ACYP2: variants seen among roughly 807,000 people sequenced by gnomAD.
The protein encoded by ACYP2 is acylphosphatase 2.
Under a neutral mutation model 11.2 loss-of-function variants are expected in ACYP2, and 12 were observed. The observed-to-expected ratio is 1.08, with a 90% CI of 0.69 to 1.74. The LOEUF is 1.74. Ranked by LOEUF, ACYP2 falls within the 40% of genes most tolerant of loss-of-function variation. The pLI, the probability that ACYP2 is intolerant of heterozygous loss-of-function variation, is 0.00. For missense variants in ACYP2, 134 were observed against 101.9 expected, an observed-to-expected ratio of 1.31 and a Z score of -1.35; for synonymous variants, 43 against 32.2, an observed-to-expected ratio of 1.33 and a Z score of -1.13.
At chr2:53,989,150 G>A (rs1672163674) in intron 2 of ACYP2, among the ~76,000 whole-genome samples, 2 of 152,130 alleles carry the variant, frequency 1.3e-5, no homozygotes, top group African/African-American at 4.8e-5. Flanking sequence ...ACTCTAACAT[G>A]CAGTGGAAAG....
At chr2:54,035,045 G>T (rs1280949549) in intron 2 of ACYP2, among the ~76,000 whole-genome samples, 1 of 105,516 alleles carries the variant, frequency 9.5e-6, no homozygotes, top group Non-Finnish European at 2.2e-5. Flanking sequence ...CTAGACTCTG[G>T]TTAAGAGGTT....
chr2:54,283,067 C>T (rs1688915102), intron 6 of ACYP2, among the ~76,000 whole-genome samples: 1 of 152,144 alleles, frequency 6.6e-6, no homozygotes, highest in South Asian at 2.1e-4. Flanking sequence ...ATTTTTTATA[C>T]TTTGCACAGT....
chr2:54,115,291 C>T (rs904565075), intron 4 of ACYP2: 8 of 454,898 alleles, frequency 1.8e-5, no homozygotes, highest in East Asian at 1.6e-4. Context: ...CACAAATATA[C>T]CCAACTTTTA....
intron 4 of ACYP2, chr2:54,115,734 C>T (rs1004075976): frequency 1.2e-6 from 2 of 1,612,964 alleles, no homozygotes; most frequent in Non-Finnish European, 1.7e-6. Context: ...CCGTGGACTA[C>T]GAGGTGTTCG....
intron 6 of ACYP2, among the ~76,000 whole-genome samples, chr2:54,242,620 AC>A (rs1227151176): frequency 2.6e-5 from 4 of 152,184 alleles, no homozygotes; most frequent in African/African-American, 9.7e-5. Context: ...TTTTTACTAT[AC>A]CTTTTTTATG....
chr2:54,096,132 C>T (rs1235295051), intron 4 of ACYP2, among the ~76,000 whole-genome samples: 1 of 139,868 alleles, frequency 7.1e-6, no homozygotes, highest in African/African-American at 2.7e-5. Flanking sequence ...GGCTGCTGGG[C>T]GGAGGGGCTC....
At chr2:54,223,335 A>G (rs1433028690) in intron 6 of ACYP2, among the ~76,000 whole-genome samples, 2 of 152,372 alleles carry the variant, frequency 1.3e-5, no homozygotes, top group South Asian at 2.1e-4. Flanking sequence ...GATACTTTAC[A>G]TAACTAAGAA....
chr2:54,239,685 G>A lies in ACYP2; in HGVS notation c.405-65003G>A, dbSNP rs560012475. ...TTGTCTAAACCACCAAGGTTATAAA[G>A]GGCACAGCATCATCACAGCTGAACT... is the stretch of plus-strand genomic sequence containing the variant. On this transcript the variant is annotated intron_variant, in intron 6 of 6. Transcript: ENST00000607452. Among the ~76,000 whole-genome samples the A allele has an allele frequency of 7.2e-5, 11 of 152,228 alleles. No individual in the cohort carries two copies. In the East Asian group the frequency reaches 1.9e-3, roughly 27 times the overall value.
chr2:54,079,430 G>C (rs188757073), intron 4 of ACYP2, among the ~76,000 whole-genome samples: 3 of 152,302 alleles, frequency 2.0e-5, no homozygotes, highest in Admixed American at 1.3e-4. Flanking sequence ...GCTTCTGTTT[G>C]AGCTTTCTCA....
intron 1 of ACYP2, among the ~76,000 whole-genome samples, chr2:53,972,951 C>T (rs1489070206): frequency 1.3e-5 from 2 of 151,224 alleles, no homozygotes; most frequent in Admixed American, 1.3e-4. Context: ...AGATGGACGA[C>T]AGGAGGGAAG....
chr2:54,273,883 A>C (rs559141578), intron 6 of ACYP2, among the ~76,000 whole-genome samples: 1 of 152,174 alleles, frequency 6.6e-6, no homozygotes, highest in South Asian at 2.1e-4. Context: ...CAATAGTTAC[A>C]AACAATTATT....
At chr2:54,168,501 A>G (rs1468257072) in intron 6 of ACYP2, among the ~76,000 whole-genome samples, 1 of 152,180 alleles carries the variant, frequency 6.6e-6, no homozygotes, top group Non-Finnish European at 1.5e-5. Flanking sequence ...TGTCCAATAA[A>G]GGAAAAAAGC....
rs531833798 is a variant in ACYP2 at position 54,304,634 on chromosome 2, T to A, written c.405-54T>A. ...ATACCTACTGTGGGCTCATTTTAGC[T>A]GATCCATGTATACTTTGTATGCTAA... On this transcript the variant is annotated intron_variant, in intron 6 of 6. Coordinates refer to ENST00000607452, the MANE Select transcript of ACYP2 (RefSeq NM_001320586.2). 9.5e-5 allele frequency: 125 copies of A among 1,309,988 alleles called. 1 individual carries two copies. In the African/African-American group the frequency reaches 1.8e-3, roughly 18 times the overall value. The allele number at this position is 1,309,988 out of a possible 1,614,324, so 81.1% of individuals were successfully genotyped here. A position where few individuals can be genotyped will look rare whatever the true frequency, so the allele number is the denominator to read the frequency against.
At chr2:54,293,236 T>A (rs1022901625) in intron 6 of ACYP2, among the ~76,000 whole-genome samples, 1 of 152,172 alleles carries the variant, frequency 6.6e-6, no homozygotes, top group Non-Finnish European at 1.5e-5. Flanking sequence ...CCATTACCAC[T>A]GTGCCAGCAC....
chr2:54,029,132 T>C (rs1674447995), intron 2 of ACYP2, among the ~76,000 whole-genome samples: 1 of 151,960 alleles, frequency 6.6e-6, no homozygotes, highest in South Asian at 2.1e-4. Context: ...ACCACTGTAC[T>C]CTAGCCTAGG....
At chr2:54,181,613 A>T (rs1167646059) in intron 6 of ACYP2, among the ~76,000 whole-genome samples, 3 of 152,152 alleles carry the variant, frequency 2.0e-5, no homozygotes. Context: ...TGTAATACCC[A>T]TTTCCAATGA....
At chr2:53,996,337 C>T (rs1252903574) in intron 2 of ACYP2, among the ~76,000 whole-genome samples, 5 of 151,816 alleles carry the variant, frequency 3.3e-5, no homozygotes, top group Admixed American at 3.3e-4. Flanking sequence ...GGGATGTACA[C>T]CTATGAGAGA....
chr2:54,151,831 A>G (rs57437150), intron 6 of ACYP2, among the ~76,000 whole-genome samples: 10,258 of 152,266 alleles, frequency 0.067, 527 homozygotes, highest in East Asian at 0.3. Flanking sequence ...ATAATGCAGT[A>G]CTAATTACTT....
intron 4 of ACYP2, among the ~76,000 whole-genome samples, chr2:54,127,852 A>G (rs574340514): frequency 2.0e-5 from 3 of 152,240 alleles, no homozygotes; most frequent in South Asian, 2.1e-4. Flanking sequence ...CATCATTGCC[A>G]TATCTCATGG....
Sources: gnomAD v4.1 joint callset for allele counts (sites outside exome capture counted in the v4.1 genomes callset) on GRCh38, gnomAD v4.1.1 for gene constraint, MANE v1.5 for transcripts, NCBI Gene and HGNC (gene_info 2026-07-23, HGNC 2026-07-21) for gene names.